SNX18: variants seen among roughly 807,000 people sequenced by gnomAD.
The protein encoded by SNX18 is sorting nexin-18.
Under a neutral mutation model 48.7 loss-of-function variants are expected in SNX18, and 35 were observed. That is an observed-to-expected ratio of 0.72 (90% CI 0.55 to 0.95). The LOEUF is 0.95. Among genes scored for constraint, SNX18 ranks in the 40% least tolerant of loss-of-function variants. The probability of loss-of-function intolerance (pLI) is 0.00; values close to 1 mark genes in which losing one functional copy is unlikely to be tolerated. For synonymous variants in SNX18, 492 were observed against 384.7 expected (o/e 1.28, Z -3.26); for missense variants, 824 against 871.0 (o/e 0.95, Z 0.68).
chr5:54,572,938 C>T, the SNX18 span, among the ~76,000 whole-genome samples: 5 of 150,812 alleles, frequency 3.3e-5, no homozygotes, highest in South Asian at 4.2e-4. Context: ...TGAACAACAG[C>T]GACTCCATTT....
the SNX18 span, among the ~76,000 whole-genome samples, chr5:54,602,920 CCATCACCTGAT>C: frequency 6.6e-6 from 1 of 152,138 alleles, no homozygotes; most frequent in African/African-American, 2.4e-5. Flanking sequence ...AACTGCCTGA[CCATCACCTGAT>C]GGTCACCCAA....
the SNX18 span, among the ~76,000 whole-genome samples, chr5:54,636,507 C>G: frequency 6.6e-6 from 1 of 152,190 alleles, no homozygotes; most frequent in South Asian, 2.1e-4. Context: ...AGCACTTTTG[C>G]AAAACTACCC....
At chr5:54,615,002 T>C in the SNX18 span, among the ~76,000 whole-genome samples, 1 of 152,112 alleles carries the variant, frequency 6.6e-6, no homozygotes, top group South Asian at 2.1e-4. Context: ...CTTGTCCAAC[T>C]CACCCAACCA....
chr5:54,612,352 G>A, the SNX18 span, among the ~76,000 whole-genome samples: 2 of 151,896 alleles, frequency 1.3e-5, no homozygotes, highest in African/African-American at 4.8e-5. Context: ...TCTGCCTCCC[G>A]GGTTCAAGCG....
At chr5:54,640,826 G>A in the SNX18 span, among the ~76,000 whole-genome samples, 865 of 152,164 alleles carry the variant, frequency 5.7e-3, 6 homozygotes, top group Middle Eastern at 0.021. Context: ...TTGGGAGGCC[G>A]AGGTGGGAGA....
chr5:54,519,062 G>A lies in SNX18; in HGVS notation c.1110G>A (p.Ala370=). 1 of 1,613,840 alleles carries A rather than the reference G, an allele frequency of 6.2e-7. No individual in the cohort carries two copies. The highest frequency in any genetic ancestry group is 8.5e-7 in the Non-Finnish European group (1 of 1,179,960). ...ACATGGCCAGCCACCCAGTGCTGGC[G>A]CAGTGCGACGTCTTCCAGCACTTCC... ...MNHMASHPVL[A]QCDVFQHFLT... is the part of the protein sequence containing the mutation. Residue 370 remains alanine, a synonymous_variant, in exon 1 of 2, where the codon GCG becomes GCA. Transcript: ENST00000381410.
At chr5:54,538,303 T>A (rs1433705349) in intron 1 of SNX18, among the ~76,000 whole-genome samples, 1 of 152,184 alleles carries the variant, frequency 6.6e-6, no homozygotes, top group Non-Finnish European at 1.5e-5. Context: ...ACTCAGAGCT[T>A]AGGAGCTCAG....
In SNX18 at chr5:54,517,873, C is replaced by G. The variant is rs968164874; in HGVS notation, c.-80C>G. Reference sequence around the variant, plus strand: ...GGGCTCCAGTCCGCGCGCCAGGGCTCGAGCAGTACCGCGGGCCCCTCAGGT... The same window carrying G: ...GGGCTCCAGTCCGCGCGCCAGGGCTGGAGCAGTACCGCGGGCCCCTCAGGT... On this transcript the variant is annotated 5_prime_UTR_variant, in exon 1 of 2. Coordinates refer to ENST00000381410, the MANE Select transcript of SNX18 (RefSeq NM_001102575.2). The G allele has an allele frequency of 2.9e-6, 4 of 1,361,152 alleles. No individual in the cohort carries two copies. The South Asian group carries it at 6.6e-5, about 22-fold the overall frequency. The allele number at this position is 1,361,152 out of a possible 1,614,324, so 84.3% of individuals were successfully genotyped here.
chr5:54,600,326 C>A, the SNX18 span, among the ~76,000 whole-genome samples: 1 of 152,106 alleles, frequency 6.6e-6, no homozygotes, highest in East Asian at 1.9e-4. Context: ...AGTCAAGAAA[C>A]AACAGATGCT....
chr5:54,589,835 G>A, the SNX18 span, among the ~76,000 whole-genome samples: 2 of 152,156 alleles, frequency 1.3e-5, no homozygotes, highest in Non-Finnish European at 2.9e-5. Flanking sequence ...TTCTCTCCAC[G>A]TCTTTGTTTG....
At chr5:54,592,558 A>G in the SNX18 span, among the ~76,000 whole-genome samples, 12 of 152,296 alleles carry the variant, frequency 7.9e-5, no homozygotes, top group Non-Finnish European at 1.5e-4. Context: ...TGAACAAAAC[A>G]TGACTAAATT....
chr5:54,557,800 A>G, the SNX18 span, among the ~76,000 whole-genome samples: 3 of 152,230 alleles, frequency 2.0e-5, no homozygotes, highest in Non-Finnish European at 4.4e-5. Context: ...AAAAATAGTT[A>G]TCTTCTAAGC....
At chr5:54,642,352 C>T in the SNX18 span, among the ~76,000 whole-genome samples, 2 of 151,682 alleles carry the variant, frequency 1.3e-5, no homozygotes, top group Non-Finnish European at 2.9e-5. Flanking sequence ...GTGTAGGCCC[C>T]TTAAATAAAA....
chr5:54,609,436 C>A, the SNX18 span, among the ~76,000 whole-genome samples: 1 of 152,066 alleles, frequency 6.6e-6, no homozygotes, highest in African/African-American at 2.4e-5. Flanking sequence ...GGGACGTCAT[C>A]CGCAATCTCT....
chr5:54,539,115 C>T (rs1762412620), intron 1 of SNX18, among the ~76,000 whole-genome samples: 1 of 152,144 alleles, frequency 6.6e-6, no homozygotes, highest in South Asian at 2.1e-4. Context: ...TCATTGCAGC[C>T]TGGAATTCCT....
chr5:54,630,567 C>T, the SNX18 span, among the ~76,000 whole-genome samples: 2 of 152,116 alleles, frequency 1.3e-5, no homozygotes, highest in African/African-American at 4.8e-5. Flanking sequence ...GGTGTCATGG[C>T]TCATGCTTGT....
chr5:54,615,396 C>A, the SNX18 span, among the ~76,000 whole-genome samples: 1 of 151,992 alleles, frequency 6.6e-6, no homozygotes, highest in Non-Finnish European at 1.5e-5. Flanking sequence ...GCTGGGTGTA[C>A]CCCAAGTCTG....
At chr5:54,574,541 G>T in the SNX18 span, among the ~76,000 whole-genome samples, 2 of 152,190 alleles carry the variant, frequency 1.3e-5, no homozygotes, top group Non-Finnish European at 2.9e-5. Flanking sequence ...TCTATGCCCA[G>T]TTAAAAATGA....
At chr5:54,559,756 C>T in the SNX18 span, among the ~76,000 whole-genome samples, 1 of 152,040 alleles carries the variant, frequency 6.6e-6, no homozygotes, top group African/African-American at 2.4e-5. Flanking sequence ...GCAAAAGAAT[C>T]AACAGAGTGA....
Sources: gnomAD v4.1 joint callset for allele counts (sites outside exome capture counted in the v4.1 genomes callset) on GRCh38, gnomAD v4.1.1 for gene constraint, MANE v1.5 for transcripts, NCBI Gene and HGNC (gene_info 2026-07-23, HGNC 2026-07-21) for gene names.